SAMD8: variants seen among roughly 807,000 people sequenced by gnomAD.
SAMD8 encodes sterile alpha motif domain containing 8.
Under a neutral mutation model 42.0 loss-of-function variants are expected in SAMD8, and 20 were observed. The ratio of observed to expected loss-of-function variants is 0.48; its 90% confidence interval spans 0.34 to 0.69. The LOEUF is 0.69. Among genes scored for constraint, SAMD8 ranks in the 30% least tolerant of loss-of-function variants. SAMD8 has a pLI of 0.01. For synonymous variants in SAMD8, 162 were observed against 173.0 expected, an observed-to-expected ratio of 0.94 and a Z score of 0.50; for missense variants, 328 against 511.6, an observed-to-expected ratio of 0.64 and a Z score of 3.46.
intron 2 of SAMD8, among the ~76,000 whole-genome samples, chr10:75,158,185 G>A (rs7081862): frequency 0.19 from 28,717 of 150,780 alleles, 2,982 homozygotes; most frequent in East Asian, 0.26. Context: ...AAAGAAGGAA[G>A]TAAAGGATAT....
intron 4 of SAMD8, among the ~76,000 whole-genome samples, 176 bp downstream of exon 4, chr10:75,168,834 C>G (rs538073587): frequency 1.3e-5 from 2 of 152,274 alleles, no homozygotes; most frequent in South Asian, 2.1e-4. Flanking sequence ...CTACCTCTCT[C>G]TTATTTCTGT....
At chr10:75,099,905 G>C (rs1015015238) in intron 1 of SAMD8, among the ~76,000 whole-genome samples, 1 of 152,164 alleles carries the variant, frequency 6.6e-6, no homozygotes, top group Non-Finnish European at 1.5e-5. Context: ...CCGAGAATGA[G>C]AGAGGAGTGT....
chr10:75,162,495 C>T (rs568284101), intron 2 of SAMD8, among the ~76,000 whole-genome samples: 125 of 151,558 alleles, frequency 8.2e-4, no homozygotes, highest in Admixed American at 8.2e-3. Context: ...ACTAAAAATA[C>T]ACAATTAGCC....
chr10:75,123,896 T>A (rs1380347907), intron 1 of SAMD8, among the ~76,000 whole-genome samples: 3 of 151,938 alleles, frequency 2.0e-5, no homozygotes, highest in African/African-American at 7.3e-5. Flanking sequence ...CCCAGGTAAT[T>A]TTTTGTATTT....
rs1344043670 is a variant in SAMD8 at position 75,178,654 on chromosome 10, A to G, written c.*1962A>G. 6.6e-6 allele frequency: 1 copy of G among 152,308 alleles called. No individual in the cohort carries two copies. The highest frequency in any genetic ancestry group is 2.4e-5 in the African/African-American group (1 of 41,470). 9.4% of individuals were successfully genotyped at this position (152,308 alleles called of 1,614,324 possible). Reference sequence around the variant, plus strand: ...TGAGGCAGGAGGATTGCTTGAGGCCAGGAGTTAGAAACTAGAGTGTGTTAT... The same window carrying G: ...TGAGGCAGGAGGATTGCTTGAGGCCGGGAGTTAGAAACTAGAGTGTGTTAT... On this transcript the variant is annotated 3_prime_UTR_variant, in exon 6 of 6. Transcript: ENST00000542569.
chr10:75,108,065 G>T (rs747671992), upstream of SAMD8: 1 of 1,613,924 alleles, frequency 6.2e-7, no homozygotes, highest in South Asian at 1.1e-5. Flanking sequence ...CAAAATCAGG[G>T]AGGTCGTGGG....
At chr10:75,109,345 C>T, upstream of SAMD8, 1 of 542,846 alleles carries the variant, frequency 1.8e-6, no homozygotes, top group Non-Finnish European at 3.0e-6. Context: ...TCCATGAGAA[C>T]ACAGAATCAG....
upstream of SAMD8, among the ~76,000 whole-genome samples, chr10:75,106,853 G>A (rs1466407432): frequency 6.6e-6 from 1 of 152,234 alleles, no homozygotes; most frequent in Non-Finnish European, 1.5e-5. Context: ...AGTCATGTGA[G>A]CTGTAATCTT....
At chr10:75,111,044 G>GACCTCAGGTGATCCC (rs1473213385), upstream of SAMD8, among the ~76,000 whole-genome samples, 1 of 152,114 alleles carries the variant, frequency 6.6e-6, no homozygotes, top group Admixed American at 6.6e-5. Context: ...TCGAACTCCT[G>GACCTCAGGTGATCCC]ACCTCAGGTG....
intron 2 of SAMD8, among the ~76,000 whole-genome samples, chr10:75,154,639 T>A (rs1463355291): frequency 6.6e-6 from 1 of 151,112 alleles, no homozygotes; most frequent in Non-Finnish European, 1.5e-5. Context: ...TAACTTCTAT[T>A]TTAAAAGGTC....
chr10:75,128,077 T>TC (rs1309208978), intron 1 of SAMD8, among the ~76,000 whole-genome samples: 1 of 146,938 alleles, frequency 6.8e-6, no homozygotes, highest in East Asian at 1.9e-4. Context: ...TCTTTAATTT[T>TC]TTTTTTTTTT....
At chr10:75,175,873 T>C in intron 4 of SAMD8, 193 bp from the exon 5 acceptor site, 1 of 985,384 alleles carries the variant, frequency 1.0e-6, no homozygotes, top group East Asian at 1.1e-4. Context: ...TACCAAAATA[T>C]TTCTGAGTAC....
chr10:75,174,402 T>C (rs1183301042), intron 4 of SAMD8, among the ~76,000 whole-genome samples: 1 of 151,470 alleles, frequency 6.6e-6, no homozygotes, highest in Non-Finnish European at 1.5e-5. Context: ...GTGCTGGGAT[T>C]ACAGGCGTGA....
chr10:75,151,501 G>A (rs1840286559), intron 2 of SAMD8, among the ~76,000 whole-genome samples: 1 of 151,584 alleles, frequency 6.6e-6, no homozygotes, highest in South Asian at 2.1e-4. Context: ...CTGTAGACAT[G>A]TTCCACCATG....
At chr10:75,114,401 A>G (rs990912013) in intron 1 of SAMD8, among the ~76,000 whole-genome samples, 1 of 152,074 alleles carries the variant, frequency 6.6e-6, no homozygotes, top group Non-Finnish European at 1.5e-5. Flanking sequence ...CAGAATATGC[A>G]GACATATTTA....
At chr10:75,138,117 A>G (rs1440938495) in intron 1 of SAMD8, among the ~76,000 whole-genome samples, 3 of 152,148 alleles carry the variant, frequency 2.0e-5, no homozygotes, top group Non-Finnish European at 2.9e-5. Context: ...TCTCATGAGC[A>G]TCTAGTTGGC....
At chr10:75,114,818 G>T (rs1848841189) in intron 1 of SAMD8, among the ~76,000 whole-genome samples, 1 of 152,130 alleles carries the variant, frequency 6.6e-6, no homozygotes, top group Non-Finnish European at 1.5e-5. Context: ...CCAGTGGATT[G>T]TTAATGAACT....
chr10:75,105,633 C>T, intron 1 of SAMD8: 2 of 1,541,508 alleles, frequency 1.3e-6, no homozygotes, highest in East Asian at 2.5e-5. Flanking sequence ...CGGCCAACCA[C>T]ATCCAGCTTT....
At chr10:75,135,874 G>A (rs1355993867) in intron 1 of SAMD8, among the ~76,000 whole-genome samples, 2 of 151,764 alleles carry the variant, frequency 1.3e-5, no homozygotes, top group South Asian at 2.1e-4. Context: ...GGAACTGAAT[G>A]AATTATTATT....
Sources: allele counts gnomAD v4.1 joint callset (sites outside exome capture counted in the v4.1 genomes callset), GRCh38; gene constraint gnomAD v4.1.1; transcripts MANE v1.5; gene names NCBI Gene and HGNC (gene_info 2026-07-23, HGNC 2026-07-21).